The following PDE3A variants were observed in gnomAD, a reference collection of about 807,000 sequenced individuals.
The protein encoded by PDE3A is phosphodiesterase 3A.
PDE3A carries 43 observed loss-of-function variants against 98.3 expected under a neutral mutation model. The observed-to-expected ratio is 0.44, with a 90% CI of 0.34 to 0.56. The LOEUF is 0.56. PDE3A is among the 20% of genes least tolerant of loss of function. The pLI, the probability that PDE3A is intolerant of heterozygous loss-of-function variation, is 0.01. For missense variants in PDE3A, 1,427 were observed against 1,440.7 expected, an observed-to-expected ratio of 0.99 and a Z score of 0.15; for synonymous variants, 663 against 567.9, an observed-to-expected ratio of 1.17 and a Z score of -2.38.
intron 15 of PDE3A, among the ~76,000 whole-genome samples, chr12:20,672,602 G>C (rs1945515888): frequency 7.0e-6 from 1 of 142,576 alleles, no homozygotes; most frequent in Non-Finnish European, 1.5e-5. Context: ...ATGGGGAAAG[G>C]ATTCCCTATT....
chr12:20,577,275 G>A (rs1334615880), intron 2 of PDE3A, among the ~76,000 whole-genome samples: 1 of 152,108 alleles, frequency 6.6e-6, no homozygotes, highest in Admixed American at 6.6e-5. Context: ...TCTAGAGCAC[G>A]CAATCCATGT....
At chr12:20,496,769 G>A (rs115606860) in intron 1 of PDE3A, among the ~76,000 whole-genome samples, 5 of 152,242 alleles carry the variant, frequency 3.3e-5, no homozygotes, top group Non-Finnish European at 5.9e-5. Context: ...TATCTTTCAC[G>A]AATATGGGCT....
intron 1 of PDE3A, among the ~76,000 whole-genome samples, chr12:20,464,447 G>A (rs1018282421): frequency 2.6e-5 from 4 of 152,098 alleles, no homozygotes; most frequent in South Asian, 2.1e-4. Context: ...TTGATATTGA[G>A]TAAGTTGTTT....
chr12:20,613,634 C>G lies in PDE3A; in HGVS notation c.1203C>G (p.Leu401=). 1 of 1,613,476 alleles carries G rather than the reference C, an allele frequency of 6.2e-7. No individual in the cohort carries two copies. The highest frequency in any genetic ancestry group is 8.5e-7 in the Non-Finnish European group (1 of 1,179,390). ...HKPRVNPVTS[L]SENYTCSDSE... ...CCAGAGTGAATCCCGTCACTTCGCT[C>G]AGTGAAAACTATACCTGTTCTGACT... is the stretch of plus-strand genomic sequence containing the variant. Residue 401 remains leucine (L), a synonymous_variant, in exon 3 of 16, where the codon CTC becomes CTG. Transcript: ENST00000359062.
chr12:20,633,988 C>T (rs910078807), intron 7 of PDE3A, among the ~76,000 whole-genome samples: 1 of 152,104 alleles, frequency 6.6e-6, no homozygotes, highest in Admixed American at 6.6e-5. Flanking sequence ...GCATGAGCCA[C>T]TGTGCCCAGC....
intron 1 of PDE3A, among the ~76,000 whole-genome samples, chr12:20,417,122 A>G (rs1007376254): frequency 6.6e-6 from 1 of 152,178 alleles, no homozygotes; most frequent in Non-Finnish European, 1.5e-5. Flanking sequence ...TTGTTAGTCT[A>G]TAAGTTAATA....
chr12:20,530,983 T>TATGATAATC (rs1381107310), intron 1 of PDE3A, among the ~76,000 whole-genome samples: 1 of 152,172 alleles, frequency 6.6e-6, no homozygotes, highest in East Asian at 1.9e-4. Context: ...CACTCTCCCT[T>TATGATAATC]ATGATAATCC....
rs115930746 is a variant in PDE3A at position 20,552,596 on chromosome 12, C to A, written c.961-4064C>A. The A allele has an allele frequency of 2.5e-6, 4 of 1,613,614 alleles. No individual in the cohort carries two copies. Among genetic ancestry groups the A allele is most frequent in the South Asian group, 1.1e-5 (1 of 91,034 alleles). The stretch of plus-strand genomic sequence containing the variant: ...AAGCGGAAGTCGGCAGGAGGTGGCC[C>A]GAGCAGGGCCGGGTCCCCGCGCCGG... On this transcript the variant is annotated intron_variant, in intron 1 of 15. Transcript: ENST00000359062. This position sits in a 1 kb window ranked among gnomAD's most constrained non-coding sequence, Gnocchi z 5.1.
chr12:20,462,281 A>G (rs542438651), intron 1 of PDE3A, among the ~76,000 whole-genome samples: 12 of 152,194 alleles, frequency 7.9e-5, no homozygotes, highest in Non-Finnish European at 1.5e-4. Context: ...ACTTGAGGTC[A>G]GGAGTTCGAG....
rs1361931549 is a variant in PDE3A at position 20,552,215 on chromosome 12, C to T, written c.961-4445C>T. ...GGGGCCGAGGCCAAGGACTGGCGGT[C>T]GGGGAAGCCGGTCAGGGTGGTGCGC... On this transcript the variant is annotated intron_variant, in intron 1 of 15. Transcript: ENST00000359062. The surrounding 1 kb of genome is among the most constrained non-coding windows in gnomAD (Gnocchi z 5.1). 8 of 1,613,862 alleles carry T rather than the reference C, an allele frequency of 5.0e-6. No individual in the cohort carries two copies. In the East Asian group the frequency reaches 1.3e-4, roughly 27 times the overall value.
chr12:20,487,146 CT>C (rs1303512429), intron 1 of PDE3A, among the ~76,000 whole-genome samples: 1 of 44,938 alleles, frequency 2.2e-5, no homozygotes, highest in African/African-American at 4.2e-5. Flanking sequence ...TTAAATTTGA[CT>C]GGCGTAGTGT....
At chr12:20,477,125 A>G (rs1945544854) in intron 1 of PDE3A, among the ~76,000 whole-genome samples, 1 of 152,186 alleles carries the variant, frequency 6.6e-6, no homozygotes, top group Admixed American at 6.5e-5. Context: ...ACAGATGCAC[A>G]GGGAGCACTT....
chr12:20,644,644 G>A lies in PDE3A; in HGVS notation c.2252-1846G>A, dbSNP rs560836063. On this transcript the variant is annotated intron_variant, in intron 10 of 15. Transcript: ENST00000359062. ...TAATTCTCTTGCCTGTGAATTATTT[G>A]TAAATGTAATGGGCTCATATCACTG... 1.3e-4 allele frequency among the ~76,000 whole-genome samples: 20 copies of A among 152,200 alleles called. No individual in the cohort carries two copies. In the South Asian group the frequency reaches 4.1e-3, roughly 32 times the overall value.
intron 1 of PDE3A, among the ~76,000 whole-genome samples, chr12:20,374,311 T>C (rs1249874100): frequency 1.3e-5 from 2 of 152,106 alleles, no homozygotes; most frequent in African/African-American, 2.4e-5. Flanking sequence ...AGTGAATCTA[T>C]ATAAATTTAC....
intron 2 of PDE3A, among the ~76,000 whole-genome samples, chr12:20,562,542 G>A (rs900883279): frequency 1.3e-5 from 2 of 151,234 alleles, no homozygotes; most frequent in African/African-American, 2.4e-5. Flanking sequence ...TTTTTTAAAT[G>A]CTTAAAAACA....
intron 2 of PDE3A, among the ~76,000 whole-genome samples, chr12:20,570,738 G>T (rs1399622011): frequency 6.6e-6 from 1 of 152,086 alleles, no homozygotes; most frequent in East Asian, 1.9e-4. Flanking sequence ...AAATTATTGT[G>T]TGTCTCAGTG....
intron 1 of PDE3A, among the ~76,000 whole-genome samples, chr12:20,389,176 T>C (rs942939180): frequency 2.0e-5 from 3 of 151,946 alleles, no homozygotes; most frequent in Non-Finnish European, 4.4e-5. Context: ...ATGCTTGCGA[T>C]GGTTAAGGTG....
At chr12:20,667,752 C>A (rs1945353858) in intron 15 of PDE3A, among the ~76,000 whole-genome samples, 1 of 152,154 alleles carries the variant, frequency 6.6e-6, no homozygotes, top group South Asian at 2.1e-4. Context: ...GCTACTCAAG[C>A]TCTTTTTTGG....
intron 8 of PDE3A, 89 bp downstream of exon 8, chr12:20,635,145 G>A (rs1944472165): frequency 8.1e-7 from 1 of 1,237,106 alleles, no homozygotes; most frequent in Non-Finnish European, 1.1e-6. Flanking sequence ...TTGAGGCCAG[G>A]CAAGGTGGCT....
Sources: gnomAD v4.1 joint callset for allele counts (sites outside exome capture counted in the v4.1 genomes callset) on GRCh38, gnomAD v4.1.1 for gene constraint, Gnocchi (gnomAD v3.1) non-coding constraint, MANE v1.5 for transcripts, NCBI Gene and HGNC (gene_info 2026-07-23, HGNC 2026-07-21) for gene names.